The following RAD51B variants were observed in gnomAD, a reference collection of about 807,000 sequenced individuals.
RAD51B encodes the protein DNA repair protein RAD51 homolog 2.
A neutral mutation model predicts 42.2 loss-of-function variants in RAD51B; 38 were observed. The observed-to-expected ratio is 0.90, with a 90% CI of 0.70 to 1.18. RAD51B has a LOEUF of 1.18. Among genes scored for constraint, RAD51B ranks in the 50% most tolerant of loss-of-function variants. The pLI, the probability that RAD51B is intolerant of heterozygous loss-of-function variation, is 0.00. For missense variants in RAD51B, 373 were observed against 400.7 expected (o/e 0.93, Z 0.59); for synonymous variants, 154 against 145.2 (o/e 1.06, Z -0.43).
At chr14:67,998,084 C>A (rs949774395) in intron 7 of RAD51B, among the ~76,000 whole-genome samples, 1 of 152,142 alleles carries the variant, frequency 6.6e-6, no homozygotes, top group Non-Finnish European at 1.5e-5. Context: ...GGTACCTGGA[C>A]CAACAGTATC....
At chr14:68,289,103 A>G (rs1025968910) in intron 7 of RAD51B, among the ~76,000 whole-genome samples, 2 of 152,198 alleles carry the variant, frequency 1.3e-5, no homozygotes, top group Non-Finnish European at 2.9e-5. Context: ...GTATATCCTG[A>G]TATAGAAAAT....
chr14:68,529,576 C>T (rs1887145785), intron 10 of RAD51B, among the ~76,000 whole-genome samples: 1 of 152,190 alleles, frequency 6.6e-6, no homozygotes, highest in Non-Finnish European at 1.5e-5. Flanking sequence ...AGCTAGGATG[C>T]TTTCACTACT....
intron 7 of RAD51B, among the ~76,000 whole-genome samples, chr14:67,951,422 G>C (rs1386653018): frequency 6.6e-6 from 1 of 152,098 alleles, no homozygotes; most frequent in Non-Finnish European, 1.5e-5. Context: ...AACATTAAAT[G>C]GTTTATTAAC....
At chr14:68,577,659 C>T (rs971614996) in intron 10 of RAD51B, among the ~76,000 whole-genome samples, 1 of 152,148 alleles carries the variant, frequency 6.6e-6, no homozygotes. Flanking sequence ...CTACCACGGC[C>T]TCCCAGCGCG....
At chr14:68,024,311 G>C (rs1427156114) in intron 7 of RAD51B, among the ~76,000 whole-genome samples, 1 of 151,896 alleles carries the variant, frequency 6.6e-6, no homozygotes, top group Non-Finnish European at 1.5e-5. Context: ...GTATTGCTTT[G>C]GCTATTTGGG....
chr14:68,494,388 T>C (rs967949913), intron 10 of RAD51B, among the ~76,000 whole-genome samples: 2 of 152,158 alleles, frequency 1.3e-5, no homozygotes, highest in African/African-American at 4.8e-5. Context: ...AGGACATTTG[T>C]ACTTGCAGCC....
chr14:68,292,114 T>C, intron 8 of RAD51B, 134 bp downstream of exon 8: 1 of 765,402 alleles, frequency 1.3e-6, no homozygotes, highest in Non-Finnish European at 2.1e-6. Flanking sequence ...CCTGTTGATT[T>C]AGGTTTGGCC....
At chr14:68,392,707 A>G (rs772583077) in intron 8 of RAD51B, among the ~76,000 whole-genome samples, 4 of 152,230 alleles carry the variant, frequency 2.6e-5, no homozygotes, top group Non-Finnish European at 4.4e-5. Context: ...AGATCCTATA[A>G]TCTACACACC....
intron 7 of RAD51B, among the ~76,000 whole-genome samples, chr14:68,216,393 T>C (rs1435976985): frequency 1.3e-5 from 2 of 152,230 alleles, no homozygotes; most frequent in Non-Finnish European, 2.9e-5. Flanking sequence ...TTAATCCTCA[T>C]GACAGCCCTA....
intron 7 of RAD51B, among the ~76,000 whole-genome samples, chr14:68,001,709 C>T (rs1225482078): frequency 6.6e-6 from 1 of 152,110 alleles, no homozygotes; most frequent in Admixed American, 6.6e-5. Context: ...CATCCCCCAC[C>T]ATCCAAGGCC....
At chr14:68,346,317 C>T (rs970333212) in intron 8 of RAD51B, among the ~76,000 whole-genome samples, 2 of 152,186 alleles carry the variant, frequency 1.3e-5, no homozygotes, top group African/African-American at 2.4e-5. Context: ...CAGGAAGGCA[C>T]TGATTTCTTT....
At chr14:68,172,060 C>G (rs562610930) in intron 7 of RAD51B, among the ~76,000 whole-genome samples, 10 of 152,202 alleles carry the variant, frequency 6.6e-5, no homozygotes, top group Non-Finnish European at 1.3e-4. Flanking sequence ...TTCAACACCT[C>G]TGTATCATAG....
intron 7 of RAD51B, among the ~76,000 whole-genome samples, chr14:68,113,542 G>A (rs1223973365): frequency 6.6e-6 from 1 of 152,088 alleles, no homozygotes; most frequent in Non-Finnish European, 1.5e-5. Context: ...AGTTCTCACA[G>A]TACGACTTCT....
At chr14:68,155,153 G>A (rs550621182) in intron 7 of RAD51B, among the ~76,000 whole-genome samples, 29 of 151,938 alleles carry the variant, frequency 1.9e-4, no homozygotes, top group South Asian at 1.5e-3. Context: ...AGGAAATTAC[G>A]CAAGGGGAGC....
At chr14:67,847,326 CTTTTT>C (rs60032578) in intron 4 of RAD51B, among the ~76,000 whole-genome samples, 12,749 of 105,694 alleles carry the variant, frequency 0.12, 521 homozygotes, top group Middle Eastern at 0.25. Context: ...TTGGTTTGTT[CTTTTT>C]TTTTTTTTTT....
At chr14:68,300,235 T>TA (rs1211588569) in intron 8 of RAD51B, among the ~76,000 whole-genome samples, 1 of 152,094 alleles carries the variant, frequency 6.6e-6, no homozygotes, top group Non-Finnish European at 1.5e-5. Context: ...TTCCATTTAT[T>TA]ATTTATTTAT....
At chr14:68,346,502 G>T (rs1349916283) in intron 8 of RAD51B, among the ~76,000 whole-genome samples, 1 of 152,050 alleles carries the variant, frequency 6.6e-6, no homozygotes. Flanking sequence ...TTTCTTCCTC[G>T]ATTTCATGTT....
chr14:68,049,507 A>G (rs1000464454), intron 7 of RAD51B, among the ~76,000 whole-genome samples: 1 of 152,104 alleles, frequency 6.6e-6, no homozygotes. Context: ...ACTGATTGCA[A>G]ACCTATCCAA....
chr14:68,252,805 G>C (rs1197702500), intron 7 of RAD51B, among the ~76,000 whole-genome samples: 1 of 152,080 alleles, frequency 6.6e-6, no homozygotes, highest in Non-Finnish European at 1.5e-5. Flanking sequence ...ATGTAGCCAG[G>C]TGTGGTGACT....
Sources: allele counts gnomAD v4.1 joint callset (sites outside exome capture counted in the v4.1 genomes callset), GRCh38; gene constraint gnomAD v4.1.1; transcripts MANE v1.5; gene names NCBI Gene and HGNC (gene_info 2026-07-23, HGNC 2026-07-21).